CLIC6: variants seen among roughly 807,000 people sequenced by gnomAD.
CLIC6 encodes the protein CLIC family member 6.
In CLIC6, 39 loss-of-function variants were observed where a neutral mutation model predicts 49.2. The ratio of observed to expected loss-of-function variants is 0.79; its 90% CI spans 0.61 to 1.04. The LOEUF (loss-of-function observed/expected upper bound fraction) is 1.04. CLIC6 is among the 50% of genes least tolerant of loss of function. The probability of loss-of-function intolerance (pLI) is 0.00; values close to 1 mark genes in which losing one functional copy is unlikely to be tolerated. For synonymous variants in CLIC6, 446 were observed against 433.4 expected, an observed-to-expected ratio of 1.03 and a Z score of -0.36; for missense variants, 988 against 993.1, an observed-to-expected ratio of 0.99 and a Z score of 0.07.
chr21:34,710,255 G>A (rs574002557), intron 5 of CLIC6, among the ~76,000 whole-genome samples: 1 of 152,098 alleles, frequency 6.6e-6, no homozygotes, highest in Non-Finnish European at 1.5e-5. Context: ...TCTGGCCTGG[G>A]TGACAGAGTG....
chr21:34,674,381 C>T (rs1989624145), intron 1 of CLIC6, among the ~76,000 whole-genome samples: 1 of 152,208 alleles, frequency 6.6e-6, no homozygotes, highest in African/African-American at 2.4e-5. Flanking sequence ...CACAAGCCAC[C>T]ATGCCTGGCC....
intron 2 of CLIC6, 33 bp downstream of exon 2, chr21:34,707,422 T>C (rs1386430804): frequency 1.5e-6 from 2 of 1,303,242 alleles, no homozygotes; most frequent in Non-Finnish European, 2.2e-6. Flanking sequence ...CTGAAATAAC[T>C]GTACCTAGTT....
intron 1 of CLIC6, among the ~76,000 whole-genome samples, chr21:34,680,046 C>T (rs959706007): frequency 4.6e-5 from 7 of 152,260 alleles, no homozygotes; most frequent in Admixed American, 1.3e-4. Flanking sequence ...GGGGCTCTGA[C>T]CCTACATTTC....
chr21:34,714,689 A>T (rs915502448), intron 5 of CLIC6, among the ~76,000 whole-genome samples: 1 of 117,940 alleles, frequency 8.5e-6, no homozygotes, highest in African/African-American at 3.0e-5. Flanking sequence ...TGTCTCAAAA[A>T]AACAAAAAAA....
At chr21:34,672,546 C>A (rs1461859775) in intron 1 of CLIC6, among the ~76,000 whole-genome samples, 2 of 152,216 alleles carry the variant, frequency 1.3e-5, no homozygotes, top group Non-Finnish European at 2.9e-5. Flanking sequence ...ATCTTCCAGT[C>A]CCAGTCGGAT....
intron 5 of CLIC6, among the ~76,000 whole-genome samples, chr21:34,715,392 G>T (rs997429818): frequency 1.3e-5 from 2 of 152,204 alleles, no homozygotes; most frequent in East Asian, 1.9e-4. Context: ...AATTTGGAAA[G>T]AGAGACACAG....
At chr21:34,681,703 A>G (rs940609765) in intron 1 of CLIC6, among the ~76,000 whole-genome samples, 3 of 152,294 alleles carry the variant, frequency 2.0e-5, no homozygotes, top group Admixed American at 2.0e-4. Context: ...GCAATGATCT[A>G]AGAGAGACCA....
intron 1 of CLIC6, among the ~76,000 whole-genome samples, chr21:34,689,571 G>A (rs746785257): frequency 9.3e-5 from 14 of 150,782 alleles, no homozygotes; most frequent in Non-Finnish European, 1.5e-4. Context: ...CAAGTGTCTC[G>A]TTTGGTGAGT....
intron 5 of CLIC6, among the ~76,000 whole-genome samples, chr21:34,714,971 A>G (rs2056078197): frequency 6.6e-6 from 1 of 152,252 alleles, no homozygotes; most frequent in South Asian, 2.1e-4. Context: ...TAACATGAGC[A>G]TCAAGAAGTT....
chr21:34,706,037 C>G (rs1221853559), intron 1 of CLIC6: 1 of 680,332 alleles, frequency 1.5e-6, no homozygotes, highest in Admixed American at 2.1e-5. Flanking sequence ...GTAAAACTTA[C>G]TGCATTAGGC....
At chr21:34,699,041 C>T (rs1299240072) in intron 1 of CLIC6, among the ~76,000 whole-genome samples, 1 of 152,082 alleles carries the variant, frequency 6.6e-6, no homozygotes, top group Non-Finnish European at 1.5e-5. Context: ...AGAGAGAGAG[C>T]GCACTTTATT....
intron 1 of CLIC6, among the ~76,000 whole-genome samples, chr21:34,674,421 A>G (rs983721042): frequency 6.6e-6 from 1 of 152,200 alleles, no homozygotes; most frequent in Non-Finnish European, 1.5e-5. Flanking sequence ...AAATAAATAT[A>G]TTGGTTACAA....
Position 34,708,019 on chromosome 21 carries a change from G to A in CLIC6, c.1560G>A (p.Thr520=), listed in dbSNP as rs769473057. The change falls in exon 3 of 6, where the codon ACG becomes ACA. Residue 520 remains threonine, a synonymous_variant. Coordinates refer to ENST00000349499, the MANE Select transcript of CLIC6 (RefSeq NM_053277.3). The part of the protein sequence containing the change: ...PFMTFDGEVK[T]DVNKIEEFLE... ...TGACTTTTGATGGTGAAGTCAAGAC[G>A]GATGTGAATAAGATCGAGGAGTTCT... is the stretch of plus-strand genomic sequence containing the variant. 2.5e-5 allele frequency: 41 copies of A among 1,613,920 alleles called. No individual in the cohort carries two copies. Among genetic ancestry groups the A allele is most frequent in the African/African-American group, 2.5e-4 (19 of 74,892 alleles).
rs1390724591 is a variant in CLIC6 at position 34,717,783 on chromosome 21, T to C, written c.*1301T>C. On this transcript the variant is annotated 3_prime_UTR_variant, in exon 6 of 6. Transcript: ENST00000349499. ...CTTGTAGAGTTGGTTGTGGTATGTG[T>C]TTGATGCTATAAAGCTCATTTTTAA... is the stretch of plus-strand genomic sequence containing the variant. 2 of 152,232 alleles carry C rather than the reference T, an allele frequency of 1.3e-5. No homozygotes were observed. The highest frequency in any genetic ancestry group is 2.1e-4 in the South Asian group (1 of 4,832). The allele number at this position is 152,232 out of a possible 1,614,324, so 9.4% of individuals were successfully genotyped here.
chr21:34,698,842 C>T (rs534977234), intron 1 of CLIC6, among the ~76,000 whole-genome samples: 32 of 152,176 alleles, frequency 2.1e-4, no homozygotes, highest in Non-Finnish European at 3.7e-4. Context: ...GTCCAGGATA[C>T]GGGTTAGGAA....
intron 1 of CLIC6, 86 bp from the exon 2 acceptor site, chr21:34,707,194 G>A (rs2070367): frequency 0.2 from 196,367 of 1,006,208 alleles, 19,916 homozygotes; most frequent in Non-Finnish European, 0.21. Flanking sequence ...TTATCAACCT[G>A]CAATGATTTT....
At chr21:34,699,415 CTTT>C (rs10604054) in intron 1 of CLIC6, among the ~76,000 whole-genome samples, 3,517 of 134,768 alleles carry the variant, frequency 0.026, 154 homozygotes, top group African/African-American at 0.089. Flanking sequence ...CCATACCTGG[CTTT>C]TTTTTTTTTT....
At chr21:34,690,861 C>A (rs1399077097) in intron 1 of CLIC6, among the ~76,000 whole-genome samples, 340 of 99,476 alleles carry the variant, frequency 3.4e-3, no homozygotes, top group Middle Eastern at 0.01. Flanking sequence ...TAATACATGT[C>A]AAAAAAAAAA....
intron 1 of CLIC6, among the ~76,000 whole-genome samples, chr21:34,690,960 A>G (rs1029738010): frequency 6.6e-5 from 10 of 151,016 alleles, no homozygotes; most frequent in African/African-American, 2.4e-4. Context: ...CTGTTTGGAG[A>G]GCAGCTGATC....
Sources: gnomAD v4.1 joint callset for allele counts (sites outside exome capture counted in the v4.1 genomes callset) on GRCh38, gnomAD v4.1.1 for gene constraint, MANE v1.5 for transcripts, NCBI Gene and HGNC (gene_info 2026-07-23, HGNC 2026-07-21) for gene names.